Variants in MYZAP observed in about 807,000 individuals in gnomAD.
MYZAP encodes GRINL1A complex locus upstream.
In MYZAP, 66 loss-of-function variants were observed where a neutral mutation model predicts 69.4. That is an observed-to-expected ratio of 0.95 (90% CI 0.78 to 1.17). The LOEUF (loss-of-function observed/expected upper bound fraction) is 1.17. MYZAP is among the 50% of genes most tolerant of loss of function. The pLI is 0.00. For missense variants in MYZAP, 611 were observed against 556.2 expected, an observed-to-expected ratio of 1.10 and a Z score of -0.99; for synonymous variants, 256 against 205.9, an observed-to-expected ratio of 1.24 and a Z score of -2.09.
At chr15:57,661,232 C>T (rs192147074) in intron 10 of MYZAP, among the ~76,000 whole-genome samples, 26 of 152,290 alleles carry the variant, frequency 1.7e-4, no homozygotes, top group African/African-American at 6.3e-4. Context: ...CACAATCCGC[C>T]TGTCTTGGAG....
intron 9 of MYZAP, among the ~76,000 whole-genome samples, chr15:57,638,244 A>T (rs1365773421): frequency 2.0e-5 from 3 of 152,226 alleles, no homozygotes; most frequent in Admixed American, 1.3e-4. Context: ...TCTGTTCTAG[A>T]AATCAAAATG....
chr15:57,647,759 G>A (rs2114139), intron 10 of MYZAP: 1 of 985,296 alleles, frequency 1.0e-6, no homozygotes, highest in Non-Finnish European at 1.2e-6. Context: ...CTGGGTCCTA[G>A]GCTCATTGTT....
At chr15:57,602,566 C>G (rs758845084) in intron 1 of MYZAP, among the ~76,000 whole-genome samples, 2 of 152,206 alleles carry the variant, frequency 1.3e-5, no homozygotes, top group African/African-American at 2.4e-5. Context: ...GGAAGGCGGT[C>G]AGGACTTCAA....
At chr15:57,641,605 C>T (rs528199001) in intron 10 of MYZAP, among the ~76,000 whole-genome samples, 2 of 152,160 alleles carry the variant, frequency 1.3e-5, no homozygotes, top group Non-Finnish European at 2.9e-5. Flanking sequence ...GTTAGCACCC[C>T]CTAGGGGCTG....
At chr15:57,618,316 C>A (rs1317113640) in intron 3 of MYZAP, 128 bp downstream of exon 3, 2 of 1,404,808 alleles carry the variant, frequency 1.4e-6, no homozygotes, top group African/African-American at 1.5e-5. Flanking sequence ...ATCATTTTGG[C>A]TGGAAATGTT....
intron 10 of MYZAP, among the ~76,000 whole-genome samples, chr15:57,658,228 T>C (rs549856628): frequency 8.2e-4 from 125 of 152,302 alleles, no homozygotes; most frequent in African/African-American, 2.9e-3. Flanking sequence ...CTTCCTCTTT[T>C]TTCCCCTCTT....
chr15:57,617,510 T>C (rs1466223176), intron 2 of MYZAP, among the ~76,000 whole-genome samples: 1 of 152,174 alleles, frequency 6.6e-6, no homozygotes, highest in Non-Finnish European at 1.5e-5. Flanking sequence ...TTCAGAAATA[T>C]TTCATGAATG....
chr15:57,608,036 G>C (rs188891942), intron 2 of MYZAP, among the ~76,000 whole-genome samples: 2 of 152,188 alleles, frequency 1.3e-5, no homozygotes, highest in African/African-American at 4.8e-5. Context: ...TCCTTTGAAG[G>C]GGCTTCTTCT....
intron 11 of MYZAP, among the ~76,000 whole-genome samples, chr15:57,666,515 C>T (rs2038577259): frequency 6.6e-6 from 1 of 152,162 alleles, no homozygotes; most frequent in Non-Finnish European, 1.5e-5. Flanking sequence ...ATCCAAATGA[C>T]ACAGCAGACT....
chr15:57,637,762 C>A lies in MYZAP; in HGVS notation c.1001C>A (p.Ser334Tyr), dbSNP rs765286776. The A allele has an allele frequency of 6.2e-7, 1 of 1,610,964 alleles. No individual in the cohort carries two copies. Among genetic ancestry groups the A allele is most frequent in the African/African-American group, 1.3e-5 (1 of 75,010 alleles). ...ETEMSGELTD[S>Y]DKERYQQLEE... ...GAAATGTCTGGGGAGTTAACTGATT[C>A]TGACAAGGAAAGGTAAGACGTAATG... The change falls in exon 9 of 13, where the codon TCT becomes TAT. Residue 334 changes from serine to tyrosine, a missense_variant. By Grantham distance (144) the Ser-to-Tyr change is moderately radical. Coordinates refer to ENST00000267853, the MANE Select transcript of MYZAP (RefSeq NM_001018100.5).
rs557807409 is a variant in MYZAP, at chr15:57,619,139, T to A, written c.318+951T>A. Among the ~76,000 whole-genome samples the A allele has an allele frequency of 2.6e-5, 4 of 152,342 alleles. No homozygotes were observed. The East Asian group carries it at 7.7e-4, about 29-fold the overall frequency. On this transcript the variant is annotated intron_variant, in intron 3 of 12. Coordinates refer to ENST00000267853, the MANE Select transcript of MYZAP (RefSeq NM_001018100.5). ...GCTTTGTGAGCCCCATTTTATTTTGTGGGTTTTCAGATAAGATGCAAACTC... is the reference window on the plus strand; with the variant it reads ...GCTTTGTGAGCCCCATTTTATTTTGAGGGTTTTCAGATAAGATGCAAACTC...
intron 2 of MYZAP, among the ~76,000 whole-genome samples, chr15:57,606,824 G>A (rs1486545704): frequency 6.6e-6 from 1 of 152,182 alleles, no homozygotes; most frequent in Non-Finnish European, 1.5e-5. Flanking sequence ...TAATTTTCTT[G>A]TGATGATGGT....
chr15:57,644,541 G>A (rs1401839064), intron 10 of MYZAP, among the ~76,000 whole-genome samples: 1 of 152,092 alleles, frequency 6.6e-6, no homozygotes, highest in Non-Finnish European at 1.5e-5. Flanking sequence ...CAACTCCTGG[G>A]CTCAAGTGAT....
At chr15:57,604,459 A>G in intron 2 of MYZAP, 104 bp downstream of exon 2, 6 of 1,290,406 alleles carry the variant, frequency 4.6e-6, no homozygotes, top group Non-Finnish European at 6.5e-6. Context: ...GGGTGTCTGC[A>G]CCTCTGTTGA....
At chr15:57,681,393 G>A (rs987917153) in intron 12 of MYZAP, among the ~76,000 whole-genome samples, 3 of 152,360 alleles carry the variant, frequency 2.0e-5, no homozygotes, top group East Asian at 1.9e-4. Context: ...GCTTCTGTGA[G>A]CTGCTGGATT....
At chr15:57,604,135 A>G in intron 1 of MYZAP, 134 bp from the exon 2 acceptor site, 4 of 933,606 alleles carry the variant, frequency 4.3e-6, no homozygotes, top group Non-Finnish European at 6.5e-6. Context: ...TATCTCCTCT[A>G]TGGCTCCTGT....
intron 11 of MYZAP, among the ~76,000 whole-genome samples, chr15:57,667,183 T>C (rs2038617770): frequency 6.6e-6 from 1 of 152,154 alleles, no homozygotes; most frequent in Non-Finnish European, 1.5e-5. Context: ...TATTATTAAT[T>C]TTTCTGTGTA....
intron 11 of MYZAP, among the ~76,000 whole-genome samples, chr15:57,663,470 A>G (rs1159216712): frequency 6.6e-6 from 1 of 152,200 alleles, no homozygotes; most frequent in Non-Finnish European, 1.5e-5. Flanking sequence ...AAGAGAGCCA[A>G]TAGCGGTGCC....
At chr15:57,672,738 A>C (rs1180549648) in intron 11 of MYZAP, among the ~76,000 whole-genome samples, 1 of 152,186 alleles carries the variant, frequency 6.6e-6, no homozygotes, top group Admixed American at 6.5e-5. Context: ...GTAATGCAAT[A>C]AGGTGCCTTT....
Sources: gnomAD v4.1 joint callset for allele counts (sites outside exome capture counted in the v4.1 genomes callset) on GRCh38, gnomAD v4.1.1 for gene constraint, MANE v1.5 for transcripts, NCBI Gene and HGNC (gene_info 2026-07-23, HGNC 2026-07-21) for gene names.